ELMO1: variants seen among roughly 807,000 people sequenced by gnomAD.
ELMO1 encodes engulfment and cell motility protein 1.
A neutral mutation model predicts 98.9 loss-of-function variants in ELMO1; 26 were observed. That is an observed-to-expected ratio of 0.26 (90% confidence interval 0.19 to 0.36). ELMO1 has a LOEUF of 0.36. Among genes scored for constraint, ELMO1 ranks in the 10% least tolerant of loss-of-function variants. ELMO1 has a pLI of 1.00. For missense variants in ELMO1, 627 were observed against 935.2 expected, an observed-to-expected ratio of 0.67 and a Z score of 4.30; for synonymous variants, 346 against 346.0, an observed-to-expected ratio of 1.00 and a Z score of 0.00.
At chr7:37,290,186 G>A (rs1325656549) in intron 4 of ELMO1, among the ~76,000 whole-genome samples, 1 of 152,140 alleles carries the variant, frequency 6.6e-6, no homozygotes, top group Non-Finnish European at 1.5e-5. Flanking sequence ...CATATACTGG[G>A]TGAATTAAGT....
At chr7:36,955,909 T>C (rs1476312610) in intron 16 of ELMO1, among the ~76,000 whole-genome samples, 1 of 152,214 alleles carries the variant, frequency 6.6e-6, no homozygotes. Context: ...CCCAAGAGGA[T>C]AAACTGTTCT....
At chr7:37,168,610 C>T (rs560680714) in intron 13 of ELMO1, among the ~76,000 whole-genome samples, 2 of 152,086 alleles carry the variant, frequency 1.3e-5, no homozygotes, top group African/African-American at 2.4e-5. Context: ...CACTTCAGAC[C>T]CTGTTTGCCT....
At chr7:37,128,820 AG>A (rs1413761951) in intron 14 of ELMO1, among the ~76,000 whole-genome samples, 1 of 152,188 alleles carries the variant, frequency 6.6e-6, no homozygotes, top group African/African-American at 2.4e-5. Context: ...GCTCTGTGCC[AG>A]GGGCTAGAAT....
intron 1 of ELMO1, among the ~76,000 whole-genome samples, chr7:37,387,273 G>T (rs1287345629): frequency 6.6e-6 from 1 of 152,208 alleles, no homozygotes; most frequent in Non-Finnish European, 1.5e-5. Context: ...TCTCACAGTC[G>T]TGGAGGCTAG....
intron 15 of ELMO1, among the ~76,000 whole-genome samples, chr7:37,073,572 ATGTGTGTGTGTG>A (rs10676771): frequency 2.7e-5 from 4 of 146,418 alleles, no homozygotes; most frequent in Non-Finnish European, 4.5e-5. Flanking sequence ...TTGTTTTTGT[ATGTGTGTGTGTG>A]TGTGTGTGTG....
intron 13 of ELMO1, among the ~76,000 whole-genome samples, chr7:37,198,469 T>C (rs1170949336): frequency 1.3e-5 from 2 of 152,186 alleles, no homozygotes; most frequent in Non-Finnish European, 2.9e-5. Flanking sequence ...ATAACAAGCC[T>C]GGGTGGGAGA....
rs999003559 is a variant in ELMO1 at position 37,200,582 on chromosome 7, T to G, written c.1086+10804A>C. On this transcript the variant is annotated intron_variant, in intron 13 of 21. Transcript: ENST00000310758. ...AAAAGGATGCCCACCTGCCAATCAG[T>G]GAAGTGTGCAACCAAACTCCCTGAC... 5.9e-5 allele frequency among the ~76,000 whole-genome samples: 9 copies of G among 152,296 alleles called. No homozygotes were observed. In the South Asian group the frequency reaches 1.5e-3, roughly 25 times the overall value.
chr7:36,898,813 G>A (rs1258077091), intron 16 of ELMO1, among the ~76,000 whole-genome samples: 1 of 152,216 alleles, frequency 6.6e-6, no homozygotes, highest in Non-Finnish European at 1.5e-5. Flanking sequence ...CGACACTGGA[G>A]GCCCTGTGCC....
chr7:37,046,089 C>G (rs916027171), intron 15 of ELMO1, among the ~76,000 whole-genome samples: 1 of 152,216 alleles, frequency 6.6e-6, no homozygotes, highest in African/African-American at 2.4e-5. Context: ...ACCATATCCA[C>G]CTTTACCTAC....
In ELMO1 at chr7:37,166,794, C is replaced by A. The variant is rs552030940; in HGVS notation, c.1087-33560G>T. Among the ~76,000 whole-genome samples, 26 of 152,120 alleles carry A rather than the reference C, an allele frequency of 1.7e-4. No homozygotes were observed. In the East Asian group the frequency reaches 2.5e-3, roughly 15 times the overall value. ...ATTTTGGAATAGGTGTGGTGTGGTG[C>A]TGAAAAAAATGTATATTCTATTGAT... On this transcript the variant is annotated intron_variant, in intron 13 of 21. Coordinates refer to ENST00000310758, the MANE Select transcript of ELMO1 (RefSeq NM_014800.11).
intron 13 of ELMO1, among the ~76,000 whole-genome samples, chr7:37,181,002 T>C (rs1790830278): frequency 6.6e-6 from 1 of 152,216 alleles, no homozygotes; most frequent in Non-Finnish European, 1.5e-5. Context: ...AAAATGATTT[T>C]TGGAACTAGA....
chr7:37,394,893 T>C (rs1158195295), intron 1 of ELMO1, among the ~76,000 whole-genome samples: 1 of 152,194 alleles, frequency 6.6e-6, no homozygotes, highest in East Asian at 1.9e-4. Flanking sequence ...TTTTCATTTA[T>C]CCTGATTACC....
chr7:37,079,499 T>C (rs59918006), intron 15 of ELMO1, among the ~76,000 whole-genome samples: 31,882 of 152,078 alleles, frequency 0.21, 3,948 homozygotes, highest in African/African-American at 0.34. Context: ...CAGCCATCAG[T>C]GGCCCACACT....
chr7:37,224,634 C>T (rs1453076121), intron 9 of ELMO1, among the ~76,000 whole-genome samples: 2 of 152,144 alleles, frequency 1.3e-5, no homozygotes, highest in Middle Eastern at 3.2e-3. Flanking sequence ...AAACTGAGAG[C>T]TTACCAAGGG....
At chr7:37,427,333 C>A (rs1286740569) in intron 1 of ELMO1, among the ~76,000 whole-genome samples, 1 of 152,190 alleles carries the variant, frequency 6.6e-6, no homozygotes, top group African/African-American at 2.4e-5. Context: ...CTAAAATTCA[C>A]AAAAAGCCAT....
intron 14 of ELMO1, among the ~76,000 whole-genome samples, chr7:37,103,977 C>G (rs1289208215): frequency 7.7e-6 from 1 of 130,330 alleles, no homozygotes; most frequent in Non-Finnish European, 1.6e-5. Context: ...CGCCACTGCA[C>G]TCCAGCCTGG....
chr7:37,168,099 T>A (rs1789855820), intron 13 of ELMO1, among the ~76,000 whole-genome samples: 2 of 151,958 alleles, frequency 1.3e-5, no homozygotes, highest in South Asian at 2.1e-4. Context: ...TCATCTTCCA[T>A]CACTGATATC....
intron 13 of ELMO1, among the ~76,000 whole-genome samples, chr7:37,146,468 A>G (rs1222125769): frequency 1.3e-5 from 2 of 152,304 alleles, no homozygotes; most frequent in Non-Finnish European, 2.9e-5. Context: ...TGGATTGGGC[A>G]GTGACTCTTA....
At chr7:36,891,837 C>T (rs1805580722) in intron 17 of ELMO1, among the ~76,000 whole-genome samples, 1 of 152,196 alleles carries the variant, frequency 6.6e-6, no homozygotes, top group Admixed American at 6.5e-5. Flanking sequence ...AAGTTTTACA[C>T]ATTTTGCTTC....
Sources: allele counts gnomAD v4.1 joint callset (sites outside exome capture counted in the v4.1 genomes callset), GRCh38; gene constraint gnomAD v4.1.1; transcripts MANE v1.5; gene names NCBI Gene and HGNC (gene_info 2026-07-23, HGNC 2026-07-21).